CD81: variants seen among roughly 807,000 people sequenced by gnomAD.
CD81 encodes CD81 molecule.
CD81 carries 10 observed loss-of-function variants against 30.1 expected under a neutral mutation model. That is an observed-to-expected ratio of 0.33 (90% CI 0.21 to 0.56). CD81 has a LOEUF of 0.56. Among genes scored for constraint, CD81 ranks in the 20% least tolerant of loss-of-function variants. CD81 has a pLI of 0.89. For missense variants in CD81, 263 were observed against 308.7 expected (o/e 0.85, Z 1.11); for synonymous variants, 147 against 126.4 (o/e 1.16, Z -1.10).
At chr11:2,384,085 C>T in intron 1 of CD81, among the ~76,000 whole-genome samples, 1 of 152,324 alleles carries the variant, frequency 6.6e-6, no homozygotes, top group East Asian at 1.9e-4. Context: ...ACCCAGTGTG[C>T]TTGGCAGCCC....
chr11:2,387,941 G>T (rs2133451873), intron 1 of CD81, among the ~76,000 whole-genome samples: 1 of 152,378 alleles, frequency 6.6e-6, no homozygotes, highest in African/African-American at 2.4e-5. Flanking sequence ...CCAGGTTGTT[G>T]TTTCGGGTGT....
chr11:2,380,799 G>A (rs1849692564), intron 1 of CD81, among the ~76,000 whole-genome samples: 1 of 152,206 alleles, frequency 6.6e-6, no homozygotes, highest in South Asian at 2.1e-4. Context: ...CTCCTCGGGG[G>A]CTGGCCAGGG....
chr11:2,394,701 A>G (rs1589853386), intron 3 of CD81: 1 of 574,286 alleles, frequency 1.7e-6, no homozygotes, highest in South Asian at 1.9e-5. Context: ...CCAGCCTGTG[A>G]CCCCAAACCA....
intron 3 of CD81, 36 bp downstream of exon 3, chr11:2,394,228 G>A: frequency 1.4e-6 from 2 of 1,451,714 alleles, no homozygotes; most frequent in Non-Finnish European, 1.9e-6. Flanking sequence ...CTGGGCCGGG[G>A]AGGGGCTGGG....
At chr11:2,387,241 C>T (rs1019015817) in intron 1 of CD81, among the ~76,000 whole-genome samples, 4 of 152,114 alleles carry the variant, frequency 2.6e-5, no homozygotes, top group East Asian at 1.9e-4. Context: ...ACTGAGGAAC[C>T]GGGAGCCTGG....
intron 1 of CD81, chr11:2,386,025 C>T: frequency 1.4e-6 from 1 of 716,708 alleles, no homozygotes; most frequent in South Asian, 1.5e-5. Flanking sequence ...GTTTTACAGC[C>T]CCCGTTGTAT....
At chr11:2,391,048 G>C (rs2133456640) in intron 2 of CD81, 1 of 240,048 alleles carries the variant, frequency 4.2e-6, no homozygotes, top group African/African-American at 2.2e-5. Flanking sequence ...TGGGGGACTG[G>C]GCTGCCCTCC....
rs942930444 is a variant in CD81, at chr11:2,377,527, G to GGCCGCCC, written c.-13_-7dup. ...GCCCAGGACCGGCCCGCGCCCCGCA[G>GGCCGCCC]GCCGCCCGCCGCCCGCGCCGCCATG... On this transcript the variant is annotated 5_prime_UTR_variant, in exon 1 of 8. Coordinates refer to ENST00000263645, the MANE Select transcript of CD81 (RefSeq NM_004356.4). This position sits in a 1 kb window ranked among gnomAD's most constrained non-coding sequence, Gnocchi z 7.7. 1.6e-5 allele frequency: 21 copies of GGCCGCCC among 1,325,976 alleles called. No homozygotes were observed. The highest frequency in any genetic ancestry group is 2.6e-5 in the South Asian group (2 of 75,986). The allele number at this position is 1,325,976 out of a possible 1,614,324, so 82.1% of individuals were successfully genotyped here.
At chr11:2,394,237 G>A in intron 3 of CD81, 45 bp downstream of exon 3, 1 of 1,376,002 alleles carries the variant, frequency 7.3e-7, no homozygotes, top group South Asian at 1.2e-5. Context: ...GGAGGGGCTG[G>A]GGGCTGCGTC....
At chr11:2,382,052 C>T (rs1281515041) in intron 1 of CD81, among the ~76,000 whole-genome samples, 1 of 152,222 alleles carries the variant, frequency 6.6e-6, no homozygotes, top group African/African-American at 2.4e-5. Context: ...TGAGGGTCCT[C>T]CAGGTAGGCC....
chr11:2,379,531 G>A (rs1356981829), intron 1 of CD81, among the ~76,000 whole-genome samples: 5 of 151,018 alleles, frequency 3.3e-5, no homozygotes, highest in African/African-American at 9.7e-5. Context: ...GGAGTCACGG[G>A]AGGGGACTTC....
At chr11:2,377,149 G>T (rs1849605894), upstream of CD81, 1 of 152,200 alleles carries the variant, frequency 6.6e-6, no homozygotes. The surrounding 1 kb of genome is among the most constrained non-coding windows in gnomAD (Gnocchi z 7.7). Context: ...TGGCCGAAAC[G>T]CGCCAAGTTG....
In CD81 at chr11:2,377,626, C is replaced by CTCCAGGATCAGGGCAGGTGGGCA; in HGVS notation, c.66+11_66+12insTCCAGGATCAGGGCAGGTGGGCA. On this transcript the variant is annotated intron_variant, in intron 1 of 7. Coordinates refer to ENST00000263645, the MANE Select transcript of CD81 (RefSeq NM_004356.4). The surrounding 1 kb of genome is among the most constrained non-coding windows in gnomAD (Gnocchi z 7.7). Reference sequence around the variant, plus strand: ...AATTTCGTCTTCTGGGTAAGGGCTGCGCCGGGGGCCGGGGCGGGAGGGGGC... The same window carrying CTCCAGGATCAGGGCAGGTGGGCA: ...AATTTCGTCTTCTGGGTAAGGGCTGCTCCAGGATCAGGGCAGGTGGGCAGCCGGGGGCCGGGGCGGGAGGGGGC... 6.6e-7 allele frequency: 1 copy of CTCCAGGATCAGGGCAGGTGGGCA among 1,521,258 alleles called. No individual in the cohort carries two copies. The highest frequency in any genetic ancestry group is 8.9e-7 in the Non-Finnish European group (1 of 1,124,856). 94.2% of individuals were successfully genotyped at this position (1,521,258 alleles called of 1,614,324 possible).
At chr11:2,394,492 G>A (rs1426561553) in intron 3 of CD81, among the ~76,000 whole-genome samples, 2 of 152,226 alleles carry the variant, frequency 1.3e-5, no homozygotes, top group African/African-American at 2.4e-5. Context: ...CCTGTGGGAA[G>A]CCCAGGCCTG....
chr11:2,396,160 C>T (rs951195770), intron 6 of CD81, 190 bp downstream of exon 6: 30 of 648,836 alleles, frequency 4.6e-5, no homozygotes, highest in Middle Eastern at 4.0e-4. Context: ...AGGCAGGCGC[C>T]CTGTGCTGCG....
chr11:2,383,576 C>T (rs1203678772), intron 1 of CD81, among the ~76,000 whole-genome samples: 1 of 152,152 alleles, frequency 6.6e-6, no homozygotes, highest in Non-Finnish European at 1.5e-5. Flanking sequence ...GCCCCAGCAC[C>T]TCCCAGTGGC....
chr11:2,395,735 G>A, intron 5 of CD81, 134 bp from the exon 6 acceptor site: 1 of 776,774 alleles, frequency 1.3e-6, no homozygotes. Flanking sequence ...AGCTGAGGAG[G>A]AAGAAGGCTG....
chr11:2,396,590 C>A, intron 6 of CD81, 38 bp from the exon 7 acceptor site: 1 of 1,549,400 alleles, frequency 6.5e-7, no homozygotes, highest in African/African-American at 1.4e-5. Flanking sequence ...GGAGCCGAGG[C>A]CCGGTCCCTG....
At chr11:2,380,039 T>A (rs1312504845) in intron 1 of CD81, among the ~76,000 whole-genome samples, 10 of 152,180 alleles carry the variant, frequency 6.6e-5, no homozygotes, top group Admixed American at 6.5e-4. Context: ...ACAGTGAGCC[T>A]ACCTCCTGGT....
Sources: gnomAD v4.1 joint callset for allele counts (sites outside exome capture counted in the v4.1 genomes callset) on GRCh38, gnomAD v4.1.1 for gene constraint, Gnocchi (gnomAD v3.1) non-coding constraint, MANE v1.5 for transcripts, NCBI Gene and HGNC (gene_info 2026-07-23, HGNC 2026-07-21) for gene names.